Variants in TTC21B observed in about 807,000 individuals in gnomAD.
TTC21B encodes the protein tetratricopeptide repeat domain 21B.
TTC21B carries 127 observed loss-of-function variants against 175.1 expected under a neutral mutation model. The ratio of observed to expected loss-of-function variants is 0.73; its 90% CI spans 0.63 to 0.84. The LOEUF (loss-of-function observed/expected upper bound fraction) is 0.84. Among genes scored for constraint, TTC21B ranks in the 40% least tolerant of loss-of-function variants. The pLI, the probability that TTC21B is intolerant of heterozygous loss-of-function variation, is 0.00. For missense variants in TTC21B, 1,561 were observed against 1,558.3 expected, an observed-to-expected ratio of 1.00 and a Z score of -0.03; for synonymous variants, 524 against 524.5, an observed-to-expected ratio of 1.00 and a Z score of 0.01.
Position 165,943,335 on chromosome 2 carries a change from C to G in TTC21B, c.436G>C (p.Val146Leu), listed in dbSNP as rs373074238. 16 of 1,605,344 alleles carry G rather than the reference C, an allele frequency of 1.0e-5. No individual in the cohort carries two copies. Among genetic ancestry groups the G allele is most frequent in the Non-Finnish European group, 1.4e-5 (16 of 1,172,820 alleles). The part of the protein sequence containing the change: ...KISDGSKQGH[V>L]LKAWLDITRG... ...GTAATATCAAGCCATGCTTTCAAAACGTGTCCCTGTAAAATGAATAATTCT... is the reference window on the plus strand; with the variant it reads ...GTAATATCAAGCCATGCTTTCAAAAGGTGTCCCTGTAAAATGAATAATTCT... Residue 146 changes from valine to leucine, a missense_variant, in exon 5 of 29, where the codon GTT becomes CTT. By Grantham distance (32) the Val-to-Leu change is conservative. Coordinates refer to ENST00000243344, the MANE Select transcript of TTC21B (RefSeq NM_024753.5).
chr2:165,919,469 T>C, intron 12 of TTC21B, 36 bp from the exon 13 acceptor site: 1 of 1,604,514 alleles, frequency 6.2e-7, no homozygotes, highest in Non-Finnish European at 8.5e-7. Flanking sequence ...ATAATTCAAA[T>C]GATTAAGAAA....
At chr2:165,914,698 T>TACGTGCGCGCGCGCGCGTGTG (rs71031214) in intron 15 of TTC21B, among the ~76,000 whole-genome samples, 2 of 132,374 alleles carry the variant, frequency 1.5e-5, no homozygotes, top group African/African-American at 3.1e-5. Context: ...TGTGTGTGTG[T>TACGTGCGCGCGCGCGCGTGTG]TGTGTATCCC....
chr2:165,937,859 C>T (rs1224708845), intron 6 of TTC21B, among the ~76,000 whole-genome samples: 2 of 132,684 alleles, frequency 1.5e-5, no homozygotes, highest in African/African-American at 5.7e-5. Flanking sequence ...ATATATACAT[C>T]AAAAAATTAC....
intron 13 of TTC21B, among the ~76,000 whole-genome samples, chr2:165,917,747 G>A (rs1686230100): frequency 6.6e-6 from 1 of 152,166 alleles, no homozygotes; most frequent in Admixed American, 6.5e-5. Context: ...GTGCAAACAA[G>A]CTTTATAAGG....
Position 165,952,128 on chromosome 2 carries a change from G to A in TTC21B, c.21+1557C>T, listed in dbSNP as rs372990100. ...GCAGTGGTGATGAAGATGACTAAAA[G>A]CCACTCCATACTCTAGAGCAGGGTT... On this transcript the variant is annotated intron_variant, in intron 1 of 28. Transcript: ENST00000243344. 3.9e-3 allele frequency among the ~76,000 whole-genome samples: 593 copies of A among 152,260 alleles called. 18 individuals carry two copies. In the South Asian group the frequency reaches 0.074, roughly 19 times the overall value.
chr2:165,916,507 A>T (rs2105325733), intron 14 of TTC21B, among the ~76,000 whole-genome samples: 1 of 152,270 alleles, frequency 6.6e-6, no homozygotes, highest in Non-Finnish European at 1.5e-5. Context: ...TATTCCTATG[A>T]GTTTACCAAA....
Position 165,873,542 on chromosome 2 carries a change from C to G in TTC21B, c.*1213G>C, listed in dbSNP as rs975912847. 35 of 152,152 alleles carry G rather than the reference C, an allele frequency of 2.3e-4. No individual in the cohort carries two copies. Among genetic ancestry groups the G allele is most frequent in the African/African-American group, 7.7e-4 (32 of 41,436 alleles). The allele number at this position is 152,152 out of a possible 1,614,324, so 9.4% of individuals were successfully genotyped here. On this transcript the variant is annotated 3_prime_UTR_variant, in exon 29 of 29. Coordinates refer to ENST00000243344, the MANE Select transcript of TTC21B (RefSeq NM_024753.5). The stretch of plus-strand genomic sequence containing the variant: ...GCTTCTATGCCAGGGTGCTGTTAAA[C>G]AGAGCTGGGTAAACCGTTGCCTTCA...
intron 8 of TTC21B, 121 bp downstream of exon 8, chr2:165,931,637 A>G (rs1686910564): frequency 1.2e-6 from 1 of 819,938 alleles, no homozygotes; most frequent in Non-Finnish European, 2.0e-6. Context: ...GGAGTATATC[A>G]TATATTTAAA....
intron 11 of TTC21B, among the ~76,000 whole-genome samples, chr2:165,928,376 A>C (rs1489036264): frequency 6.6e-6 from 1 of 152,150 alleles, no homozygotes. Context: ...ATGTAATGTG[A>C]TTTATAAAAA....
intron 16 of TTC21B, among the ~76,000 whole-genome samples, chr2:165,913,060 A>G (rs1216855203): frequency 3.3e-5 from 5 of 150,162 alleles, no homozygotes; most frequent in African/African-American, 1.2e-4. Flanking sequence ...TTTTTTTGAG[A>G]TGGAGTTTTG....
intron 25 of TTC21B, 48 bp downstream of exon 25, chr2:165,888,231 C>T (rs1448610065): frequency 7.4e-7 from 1 of 1,359,360 alleles, no homozygotes. Context: ...TGTTTCTATA[C>T]TACCAAATAA....
intron 13 of TTC21B, among the ~76,000 whole-genome samples, chr2:165,919,060 C>T (rs893253542): frequency 1.3e-5 from 2 of 152,120 alleles, no homozygotes; most frequent in African/African-American, 4.8e-5. Context: ...AAAGACCAGA[C>T]ATTAACCTCA....
rs533894989 is a variant in TTC21B, at chr2:165,922,557, T to C, written c.1516+1992A>G. 5.3e-4 allele frequency among the ~76,000 whole-genome samples: 57 copies of C among 107,408 alleles called. 1 individual carries two copies. Among genetic ancestry groups the C allele is most frequent in the Admixed American group, 1.3e-3 (12 of 8,892 alleles). The allele number at this position is 107,408 out of a possible 152,430, so 70.5% of individuals were successfully genotyped here. On this transcript the variant is annotated intron_variant, in intron 12 of 28. Coordinates refer to ENST00000243344, the MANE Select transcript of TTC21B (RefSeq NM_024753.5). Reference sequence around the variant, plus strand: ...CTTACCACAGCCGGAATAGCCACTATTAAAAAGTCAAAAAAAAAAAAAAAA... The same window carrying C: ...CTTACCACAGCCGGAATAGCCACTACTAAAAAGTCAAAAAAAAAAAAAAAA...
At chr2:165,914,698 T>TG (rs71031214) in intron 15 of TTC21B, among the ~76,000 whole-genome samples, 21 of 132,418 alleles carry the variant, frequency 1.6e-4, no homozygotes, top group East Asian at 4.4e-4. Flanking sequence ...TGTGTGTGTG[T>TG]TGTGTATCCC....
At chr2:165,952,001 G>C (rs749649118) in intron 1 of TTC21B, among the ~76,000 whole-genome samples, 5 of 152,144 alleles carry the variant, frequency 3.3e-5, no homozygotes, top group Non-Finnish European at 7.4e-5. Flanking sequence ...ACACGTACAC[G>C]CTCTTCCTAT....
At chr2:165,938,739 G>A (rs565162062) in intron 6 of TTC21B, among the ~76,000 whole-genome samples, 1 of 151,940 alleles carries the variant, frequency 6.6e-6, no homozygotes, top group South Asian at 2.1e-4. Context: ...GGAGGGAGAG[G>A]GAAGAGGGGA....
chr2:165,916,518 G>A (rs981398464), intron 14 of TTC21B, among the ~76,000 whole-genome samples: 6 of 152,006 alleles, frequency 3.9e-5, no homozygotes, highest in African/African-American at 1.5e-4. Flanking sequence ...GTTTACCAAA[G>A]CTGTATTCAT....
chr2:165,880,077 G>T (rs1684790570), intron 27 of TTC21B: 1 of 153,658 alleles, frequency 6.5e-6, no homozygotes, highest in African/African-American at 2.4e-5. Context: ...ATGAGGATGA[G>T]CTCCCTCGTA....
intron 28 of TTC21B, among the ~76,000 whole-genome samples, chr2:165,875,060 TAACA>T (rs978219973): frequency 6.0e-5 from 9 of 151,162 alleles, no homozygotes; most frequent in Non-Finnish European, 8.8e-5. Context: ...GCAGAAAATA[TAACA>T]AACAACTGCT....
Sources: allele counts gnomAD v4.1 joint callset (sites outside exome capture counted in the v4.1 genomes callset), GRCh38; gene constraint gnomAD v4.1.1; transcripts MANE v1.5; gene names NCBI Gene and HGNC (gene_info 2026-07-23, HGNC 2026-07-21).